The following FKBP15 variants were observed in gnomAD, a reference collection of about 807,000 sequenced individuals.
The protein encoded by FKBP15 is FKBP prolyl isomerase family member 15, also known as FK506-binding protein 15.
In FKBP15, 106 loss-of-function variants were observed where a neutral mutation model predicts 158.1. That is an observed-to-expected ratio of 0.67 (90% CI 0.57 to 0.79). FKBP15 has a LOEUF of 0.79. Among genes scored for constraint, FKBP15 ranks in the 30% least tolerant of loss-of-function variants. The pLI is 0.00. For missense variants in FKBP15, 1,287 were observed against 1,479.1 expected (o/e 0.87, Z 2.13); for synonymous variants, 547 against 548.6 (o/e 1.00, Z 0.04).
rs370204594 is a variant in FKBP15 at position 113,178,736 on chromosome 9, A to C, written c.1980T>G (p.Thr660=). ...AQVSHLQLKM[T]AHQKKETELQ... ...GCTCTGTTTCCTTTTTTTGGTGAGC[A>C]GTCATTTTCAGCTGCAGATGAGAGA... Residue 660 remains threonine (T), a synonymous_variant, in exon 20 of 28, where the codon ACT becomes ACG. Coordinates refer to ENST00000238256, the MANE Select transcript of FKBP15 (RefSeq NM_015258.2). 11 of 1,609,080 alleles carry C rather than the reference A, an allele frequency of 6.8e-6. No individual in the cohort carries two copies. The highest frequency in any genetic ancestry group is 2.7e-5 in the African/African-American group (2 of 74,824).
Position 113,184,191 on chromosome 9 carries a change from A to G in FKBP15, c.1716+101T>C. The stretch of plus-strand genomic sequence containing the variant: ...TGTCTAACCCAGTGTAGCGTTTATC[A>G]CAGGCTATTTCTGGGGTGGAGGTGT... On this transcript the variant is annotated intron_variant, in intron 17 of 27. Transcript: ENST00000238256. This position sits in a 1 kb window ranked among gnomAD's most constrained non-coding sequence, Gnocchi z 4.5. The G allele has an allele frequency of 1.3e-6, 1 of 773,672 alleles. No homozygotes were observed. The allele number at this position is 773,672 out of a possible 1,614,324, so 47.9% of individuals were successfully genotyped here.
rs1323963894 is a variant in FKBP15, at chr9:113,193,510, T to G, written c.1047A>C (p.Glu349Asp). 1.3e-6 allele frequency: 2 copies of G among 1,598,126 alleles called. No homozygotes were observed. Among genetic ancestry groups the G allele is most frequent in the Non-Finnish European group, 1.7e-6 (2 of 1,171,642 alleles). The part of the protein sequence containing the change: ...ALRTKSNSLS[E>D]QLAINTSPDA... ...TACTTACTGTATTTATTGCAAGTTG[T>G]TCACTGAGGGAGTTAGATTTGGTAC... The change falls in exon 11 of 28, where the codon GAA (glutamate) becomes GAC (aspartate). Residue 349 changes from glutamate (E) to aspartate (D), a missense_variant. By Grantham distance (45) the Glu-to-Asp change is conservative (BLOSUM62 2). Transcript: ENST00000238256.
intron 1 of FKBP15, among the ~76,000 whole-genome samples, chr9:113,217,622 G>A (rs1260135486): frequency 6.6e-6 from 1 of 152,158 alleles, no homozygotes; most frequent in Non-Finnish European, 1.5e-5. Context: ...CAGGAGGACT[G>A]CTTGAGGCCA....
chr9:113,170,936 G>C (rs953522598), intron 24 of FKBP15, among the ~76,000 whole-genome samples: 1 of 152,182 alleles, frequency 6.6e-6, no homozygotes, highest in Non-Finnish European at 1.5e-5. Flanking sequence ...GCACCACTAG[G>C]AGCTGCCATA....
intron 11 of FKBP15, among the ~76,000 whole-genome samples, chr9:113,190,846 C>A (rs1830561873): frequency 1.3e-5 from 2 of 152,202 alleles, no homozygotes; most frequent in Admixed American, 6.5e-5. Context: ...GTCTCCCCAG[C>A]AGGCATAATT....
Position 113,211,557 on chromosome 9 carries a change from G to A in FKBP15, c.89C>T (p.Ala30Val), listed in dbSNP as rs533354533. Reference protein sequence around the residue: ...RLASLFGLDQAAAGHGNEFFQ... With the variant: ...RLASLFGLDQVAAGHGNEFFQ... ...AAATTCATTTCCATGGCCAGCAGCTGCCTGATCCAGTCCAAAAAGTGAGGC... is the reference window on the plus strand; with the variant it reads ...AAATTCATTTCCATGGCCAGCAGCTACCTGATCCAGTCCAAAAAGTGAGGC... The change falls in exon 2 of 28, where the codon GCA becomes GTA. Residue 30 changes from alanine to valine, a missense_variant. Ala to Val is a moderately conservative substitution (Grantham distance 64). Transcript: ENST00000238256. 5.7e-5 allele frequency: 92 copies of A among 1,606,104 alleles called. 1 individual carries two copies. The South Asian group carries it at 8.2e-4, about 14-fold the overall frequency.
chr9:113,178,884 T>A, intron 19 of FKBP15, 83 bp from the exon 20 acceptor site: 1 of 1,315,992 alleles, frequency 7.6e-7, no homozygotes, highest in Non-Finnish European at 1.0e-6. Flanking sequence ...TAACTCTATG[T>A]AGACTGAACT....
intron 24 of FKBP15, 23 bp from the exon 25 acceptor site, chr9:113,170,652 G>T (rs767608787): frequency 2.6e-6 from 4 of 1,558,392 alleles, no homozygotes; most frequent in Non-Finnish European, 3.5e-6. Flanking sequence ...CAAAACACAT[G>T]CTGTCAAAAT....
chr9:113,162,750 T>G lies in FKBP15; in HGVS notation c.*3328A>C, dbSNP rs940959702. The G allele has an allele frequency of 1.2e-6, 2 of 1,610,504 alleles. No individual in the cohort carries two copies. Among genetic ancestry groups the G allele is most frequent in the Non-Finnish European group, 1.7e-6 (2 of 1,178,080 alleles). On this transcript the variant is annotated 3_prime_UTR_variant, in exon 28 of 28. Coordinates refer to ENST00000238256, the MANE Select transcript of FKBP15 (RefSeq NM_015258.2). ...AACTTGCTTCTCCTTTTTATCTAGG[T>G]GGTATTTGTGTCACTTTGGCCAGTC...
chr9:113,215,893 C>T (rs1211216370), intron 1 of FKBP15, among the ~76,000 whole-genome samples: 1 of 151,072 alleles, frequency 6.6e-6, no homozygotes, highest in Non-Finnish European at 1.5e-5. Flanking sequence ...TCAAGTGATC[C>T]ACCCGCCTCA....
Position 113,178,716 on chromosome 9 carries a change from GT to G in FKBP15, c.1999del (p.Thr667GlnfsTer7). The G allele has an allele frequency of 6.2e-7, 1 of 1,608,994 alleles. No individual in the cohort carries two copies. ...LKMTAHQKKE[T>X]ELQMQLTESL... ...TTCTGTCAGCTGCATCTGCAGCTCT[GT>G]TTCCTTTTTTTGGTGAGCAGTCATT... is the stretch of plus-strand genomic sequence containing the variant. On this transcript the variant is annotated frameshift_variant, in exon 20 of 28. Coordinates refer to ENST00000238256, the MANE Select transcript of FKBP15 (RefSeq NM_015258.2). LOFTEE classifies it high-confidence loss of function.
intron 11 of FKBP15, among the ~76,000 whole-genome samples, 178 bp downstream of exon 11, chr9:113,193,314 A>G (rs1830608917): frequency 6.6e-6 from 1 of 152,134 alleles, no homozygotes; most frequent in Non-Finnish European, 1.5e-5. Flanking sequence ...AAACCTCAGC[A>G]CACTAGGAGT....
At chr9:113,175,870 A>T (rs745618364) in intron 21 of FKBP15, among the ~76,000 whole-genome samples, 1 of 152,218 alleles carries the variant, frequency 6.6e-6, no homozygotes, top group Non-Finnish European at 1.5e-5. Flanking sequence ...ATATATGTAG[A>T]GTGGGGAAGA....
chr9:113,169,831 A>G lies in FKBP15; in HGVS notation c.2878T>C (p.Ser960Pro), dbSNP rs1318101653. Residue 960 changes from serine (S) to proline (P), a missense_variant, in exon 26 of 28, where the codon TCA becomes CCA. Coordinates refer to ENST00000238256, the MANE Select transcript of FKBP15 (RefSeq NM_015258.2). Reference protein sequence around the residue: ...ERPRRPSQEQSASASSGQPQA... With the variant: ...ERPRRPSQEQPASASSGQPQA... ...GGCTGCCCAGAACTGGCTGAGGCTG[A>G]CTGCTCCTGGGAAGGTCTTCGTGGC... The G allele has an allele frequency of 2.6e-6, 4 of 1,561,020 alleles. No individual in the cohort carries two copies. The South Asian group carries it at 4.7e-5, about 18-fold the overall frequency.
chr9:113,218,377 TTATATATATATATATATA>T lies in FKBP15; in HGVS notation c.53+2796_53+2813del, dbSNP rs10539484. Among the ~76,000 whole-genome samples the T allele has an allele frequency of 1.8e-3, 181 of 101,496 alleles. 2 individuals carry two copies. The highest frequency in any genetic ancestry group is 6.3e-4 in the Non-Finnish European group (31 of 49,400). The allele number at this position is 101,496 out of a possible 152,430, so 66.6% of individuals were successfully genotyped here. A position where few individuals can be genotyped will look rare whatever the true frequency, so the allele number is the denominator to read the frequency against. ...ACCTCATAGAGAGGAGTAAATACAATTATATATATATATATATATATATATATATATATATACATTTCT... is the reference window on the plus strand; with the variant it reads ...ACCTCATAGAGAGGAGTAAATACAATTATATATATATATATATACATTTCT... On this transcript the variant is annotated intron_variant, in intron 1 of 27. Transcript: ENST00000238256.
In FKBP15 at chr9:113,194,051, G is replaced by C; in HGVS notation, c.983C>G (p.Pro328Arg). 6.2e-7 allele frequency: 1 copy of C among 1,612,910 alleles called. No individual in the cohort carries two copies. The highest frequency in any genetic ancestry group is 1.7e-5 in the Admixed American group (1 of 59,962). Residue 328 changes from proline to arginine, a missense_variant, in exon 10 of 28, where the codon CCC becomes CGC. Physicochemically the swap from Pro to Arg is moderately radical, Grantham distance 103. Transcript: ENST00000238256. Reference protein sequence around the residue: ...NLSADPVVSPPTSIPFKSGEP... With the variant: ...NLSADPVVSPRTSIPFKSGEP... ...CCCTGATTTGAAAGGTATTGATGTG[G>C]GTGGTGACACAACAGGATCAGCAGA...
intron 1 of FKBP15, among the ~76,000 whole-genome samples, chr9:113,218,338 T>A (rs1034442802): frequency 2.7e-5 from 4 of 148,746 alleles, no homozygotes; most frequent in Non-Finnish European, 4.5e-5. Context: ...AAAACGGATA[T>A]AATAATTAAT....
chr9:113,189,401 T>G (rs902198907), intron 12 of FKBP15, among the ~76,000 whole-genome samples: 4 of 152,176 alleles, frequency 2.6e-5, no homozygotes, highest in Non-Finnish European at 5.9e-5. Context: ...GGTTTAAAAA[T>G]CAGGTTACAA....
At chr9:113,221,056 G>T (rs1831242637) in intron 1 of FKBP15, 135 bp downstream of exon 1, 2 of 923,768 alleles carry the variant, frequency 2.2e-6, no homozygotes, top group African/African-American at 1.7e-5. Context: ...ATTCTGAGAG[G>T]TGTAGAGCAC....
Sources: allele counts gnomAD v4.1 joint callset (sites outside exome capture counted in the v4.1 genomes callset), GRCh38; gene constraint gnomAD v4.1.1; non-coding constraint Gnocchi (gnomAD v3.1); transcripts MANE v1.5; gene names NCBI Gene and HGNC (gene_info 2026-07-23, HGNC 2026-07-21).